The following ADCY10 variants were observed in gnomAD, a reference collection of about 807,000 sequenced individuals.
ADCY10 encodes the protein adenylate cyclase type 10.
ADCY10 carries 156 observed loss-of-function variants against 183.3 expected under a neutral mutation model. The ratio of observed to expected loss-of-function variants is 0.85; its 90% CI spans 0.75 to 0.97. The LOEUF (loss-of-function observed/expected upper bound fraction) is 0.97, where lower values mean the gene tolerates loss of function less well. Ranked by LOEUF, ADCY10 falls within the 50% of genes least tolerant of loss-of-function variation. The pLI, the probability that ADCY10 is intolerant of heterozygous loss-of-function variation, is 0.00. For synonymous variants in ADCY10, 645 were observed against 670.0 expected, an observed-to-expected ratio of 0.96 and a Z score of 0.58; for missense variants, 1,745 against 1,934.3, an observed-to-expected ratio of 0.90 and a Z score of 1.84.
chr1:167,838,943 C>T (rs1307305244), intron 21 of ADCY10, among the ~76,000 whole-genome samples: 1 of 152,200 alleles, frequency 6.6e-6, no homozygotes, highest in Non-Finnish European at 1.5e-5. Context: ...TTCTTACCCC[C>T]TTCCCTATTC....
intron 21 of ADCY10, among the ~76,000 whole-genome samples, chr1:167,842,872 A>G (rs576276760): frequency 6.6e-6 from 1 of 152,204 alleles, no homozygotes; most frequent in Non-Finnish European, 1.5e-5. Context: ...ACCATTTAGT[A>G]TATGGAGGTA....
chr1:167,862,522 C>G (rs1379595000), intron 14 of ADCY10, among the ~76,000 whole-genome samples: 1 of 152,090 alleles, frequency 6.6e-6, no homozygotes, highest in African/African-American at 2.4e-5. Context: ...AGAAAAGATG[C>G]CTTGATCTCA....
intron 30 of ADCY10, among the ~76,000 whole-genome samples, chr1:167,818,834 G>A (rs372876474): frequency 6.6e-5 from 10 of 152,056 alleles, no homozygotes; most frequent in African/African-American, 2.2e-4. Context: ...CACCATGCCC[G>A]GCCACTTTGG....
At chr1:167,845,449 G>A (rs1299217880) in intron 21 of ADCY10, 114 bp downstream of exon 21, 13 of 1,106,504 alleles carry the variant, frequency 1.2e-5, no homozygotes, top group Non-Finnish European at 1.5e-5. Flanking sequence ...CATTCTTTGT[G>A]CCCAAGCCGC....
At chr1:167,899,692 T>A (rs1050276408) in intron 5 of ADCY10, 64 bp from the exon 6 acceptor site, 2 of 1,525,076 alleles carry the variant, frequency 1.3e-6, no homozygotes, top group Admixed American at 1.7e-5. Context: ...GCAGCACAGG[T>A]TTTTGGAAAA....
In ADCY10 at chr1:167,833,130, G is replaced by C; in HGVS notation, c.3450C>G (p.Ala1150=). 6.2e-7 allele frequency: 1 copy of C among 1,614,122 alleles called. No individual in the cohort carries two copies. ...VCFNMGQIVL[A]KKMLRKALKL... ...TCAGTGCCTTCCTCAGCATTTTCTT[G>C]GCAAGCACTATCTGGCCCATATTGA... Residue 1150 remains alanine, a synonymous_variant, in exon 25 of 33, where the codon GCC becomes GCG. Transcript: ENST00000367851.
chr1:167,837,062 C>A, intron 22 of ADCY10, 187 bp downstream of exon 22: 1 of 655,298 alleles, frequency 1.5e-6, no homozygotes, highest in Non-Finnish European at 2.7e-6. Flanking sequence ...TCTTTAAAAA[C>A]AAAAGAGCAG....
At chr1:167,831,746 T>G (rs79304947) in intron 25 of ADCY10, among the ~76,000 whole-genome samples, 5,615 of 152,316 alleles carry the variant, frequency 0.037, 168 homozygotes, top group East Asian at 0.15. Context: ...GATGCCCAAT[T>G]AAGTTTGAAT....
rs201688739 is a variant in ADCY10 at position 167,880,074 on chromosome 1, G to A, written c.1216+41C>T. On this transcript the variant is annotated intron_variant, in intron 11 of 32. Coordinates refer to ENST00000367851, the MANE Select transcript of ADCY10 (RefSeq NM_018417.6). ...GCAAAGCCCAGTGGCAAGGTGCTGT[G>A]TTTGCAGAAAGAAAGCTGGAGATGA... 248 of 1,560,802 alleles carry A rather than the reference G, an allele frequency of 1.6e-4. 2 individuals carry two copies. In the East Asian group the frequency reaches 2.7e-3, roughly 17 times the overall value.
chr1:167,870,903 C>T (rs1019612661), intron 13 of ADCY10, among the ~76,000 whole-genome samples: 1 of 151,354 alleles, frequency 6.6e-6, no homozygotes, highest in African/African-American at 2.4e-5. Flanking sequence ...TTCCTGGGAG[C>T]TTTTTAGCTA....
At chr1:167,912,282 T>G (rs930468297) in intron 1 of ADCY10, among the ~76,000 whole-genome samples, 6 of 152,218 alleles carry the variant, frequency 3.9e-5, no homozygotes, top group African/African-American at 1.4e-4. Context: ...TTGTAAAGCC[T>G]TGGCTCTTAG....
intron 5 of ADCY10, among the ~76,000 whole-genome samples, chr1:167,901,279 G>A (rs560136540): frequency 1.1e-3 from 171 of 152,170 alleles, no homozygotes; most frequent in South Asian, 3.7e-3. Context: ...GTCTCATGTC[G>A]TTGCTGAAAC....
At chr1:167,839,018 T>A (rs1397753434) in intron 21 of ADCY10, among the ~76,000 whole-genome samples, 1 of 152,240 alleles carries the variant, frequency 6.6e-6, no homozygotes, top group Non-Finnish European at 1.5e-5. Context: ...CTTCTGTCCA[T>A]CTTCACTACA....
intron 7 of ADCY10, 30 bp downstream of exon 7, chr1:167,896,565 C>T: frequency 3.9e-6 from 6 of 1,554,508 alleles, no homozygotes; most frequent in Non-Finnish European, 5.3e-6. Context: ...CTGGTAGAGG[C>T]AAAGGCATTT....
intron 21 of ADCY10, among the ~76,000 whole-genome samples, chr1:167,840,748 A>G (rs1218994885): frequency 7.7e-6 from 1 of 129,650 alleles, no homozygotes; most frequent in African/African-American, 4.0e-5. Flanking sequence ...TGTAAAAATC[A>G]AAAGAAAAAA....
rs768845395 is a variant in ADCY10 at position 167,834,060 on chromosome 1, A to T, written c.3327T>A (p.Asn1109Lys). 4 of 1,613,888 alleles carry T rather than the reference A, an allele frequency of 2.5e-6. No homozygotes were observed. The highest frequency in any genetic ancestry group is 2.5e-6 in the Non-Finnish European group (3 of 1,179,814). Reference sequence around the variant, plus strand: ...GAGTTTTTAGCAACTTCTGTCCTTCATTCAAATACATGTATGCCTGTAACC... The same window carrying T: ...GAGTTTTTAGCAACTTCTGTCCTTCTTTCAAATACATGTATGCCTGTAACC... ...CDNYMAYMYLNEGQKLLKTLK... is the reference protein window; with the variant it reads ...CDNYMAYMYLKEGQKLLKTLK... Residue 1109 changes from asparagine (N) to lysine (K), a missense_variant, in exon 24 of 33, where the codon AAT becomes AAA. Asn to Lys is a moderately conservative substitution (Grantham distance 94). Coordinates refer to ENST00000367851, the MANE Select transcript of ADCY10 (RefSeq NM_018417.6).
chr1:167,853,077 C>T (rs979255435), intron 18 of ADCY10, among the ~76,000 whole-genome samples: 5 of 152,162 alleles, frequency 3.3e-5, no homozygotes, highest in African/African-American at 1.2e-4. Flanking sequence ...CACCATAAGT[C>T]CTTTATTGCA....
At chr1:167,898,999 C>T (rs1436557246) in intron 6 of ADCY10, among the ~76,000 whole-genome samples, 2 of 152,146 alleles carry the variant, frequency 1.3e-5, no homozygotes, top group Non-Finnish European at 2.9e-5. Flanking sequence ...AACTTCGCCG[C>T]ACTTGCTCAA....
At position 167,856,444 on chromosome 1, in the gene ADCY10, A is replaced by G. The variant is rs762688050; in HGVS notation, c.1897-5T>C. The G allele has an allele frequency of 6.2e-7, 1 of 1,614,104 alleles. No homozygotes were observed. The highest frequency in any genetic ancestry group is 8.5e-7 in the Non-Finnish European group (1 of 1,180,028). The stretch of plus-strand genomic sequence containing the variant: ...AATCCTTTCCTCTTTCACTATCTGG[A>G]CAAGATGCAGAAAGAGAAAGAGAAA... On this transcript the variant is annotated splice_region_variant and splice_polypyrimidine_tract_variant and intron_variant, in intron 16 of 32. Transcript: ENST00000367851.
Sources: allele counts gnomAD v4.1 joint callset (sites outside exome capture counted in the v4.1 genomes callset), GRCh38; gene constraint gnomAD v4.1.1; transcripts MANE v1.5; gene names NCBI Gene and HGNC (gene_info 2026-07-23, HGNC 2026-07-21).